The following CNTN4 variants were observed in gnomAD, a reference collection of about 807,000 sequenced individuals.
CNTN4 encodes the protein contactin-4.
CNTN4 carries 77 observed loss-of-function variants against 122.5 expected under a neutral mutation model. The observed-to-expected ratio is 0.63, with a 90% CI of 0.52 to 0.76. The LOEUF (loss-of-function observed/expected upper bound fraction) is 0.76. CNTN4 is among the 30% of genes least tolerant of loss of function. The probability of loss-of-function intolerance (pLI) is 0.00; values close to 1 mark genes in which losing one functional copy is unlikely to be tolerated. For synonymous variants in CNTN4, 512 were observed against 447.0 expected (o/e 1.15, Z -1.83); for missense variants, 1,256 against 1,259.1 (o/e 1.00, Z 0.04).
At chr3:2,984,272 G>A (rs1694343407) in intron 13 of CNTN4, among the ~76,000 whole-genome samples, 1 of 152,164 alleles carries the variant, frequency 6.6e-6, no homozygotes, top group Non-Finnish European at 1.5e-5. Flanking sequence ...AGCACTTTAA[G>A]TTAACGAAAT....
At chr3:2,798,362 C>T (rs201567339) in intron 6 of CNTN4, among the ~76,000 whole-genome samples, 1 of 5,190 alleles carries the variant, frequency 1.9e-4, no homozygotes, top group Admixed American at 3.5e-3. Context: ...TCTATACACA[C>T]ATAAATCTAT....
chr3:2,759,482 G>T (rs1196817673), intron 6 of CNTN4, among the ~76,000 whole-genome samples: 1 of 152,138 alleles, frequency 6.6e-6, no homozygotes, highest in African/African-American at 2.4e-5. Context: ...AGAATATGCA[G>T]TTATATGGAT....
chr3:2,527,185 C>G (rs1268688380), intron 3 of CNTN4, among the ~76,000 whole-genome samples: 1 of 152,166 alleles, frequency 6.6e-6, no homozygotes, highest in Admixed American at 6.5e-5. Flanking sequence ...GGTGTGAACT[C>G]TGGATTCCTT....
At chr3:2,423,910 A>G (rs2047708229) in intron 3 of CNTN4, among the ~76,000 whole-genome samples, 1 of 99,086 alleles carries the variant, frequency 1.0e-5, no homozygotes. Flanking sequence ...AGGAAAAGGA[A>G]TATCACACAC....
intron 23 of CNTN4, among the ~76,000 whole-genome samples, chr3:3,046,882 T>C (rs1460686753): frequency 2.2e-5 from 3 of 138,260 alleles, no homozygotes; most frequent in East Asian, 4.0e-4. Context: ...AGGAAACCTG[T>C]CTCACGTGCA....
intron 2 of CNTN4, among the ~76,000 whole-genome samples, chr3:2,142,366 TC>T (rs1211196550): frequency 2.6e-5 from 4 of 152,076 alleles, no homozygotes; most frequent in South Asian, 2.1e-4. Flanking sequence ...CCTTTTTTTT[TC>T]TTTCTTTTTT....
At chr3:2,966,902 G>A (rs1419386987) in intron 13 of CNTN4, among the ~76,000 whole-genome samples, 2 of 152,082 alleles carry the variant, frequency 1.3e-5, no homozygotes, top group Non-Finnish European at 2.9e-5. Flanking sequence ...ATATTGACTG[G>A]TGGACTTTTA....
intron 2 of CNTN4, among the ~76,000 whole-genome samples, chr3:2,313,000 G>A (rs1436747123): frequency 6.6e-6 from 1 of 151,870 alleles, no homozygotes; most frequent in African/African-American, 2.4e-5. Context: ...AATATATATA[G>A]CCTTAAAAAA....
chr3:2,429,968 A>T (rs748599986), intron 3 of CNTN4, among the ~76,000 whole-genome samples: 3 of 152,166 alleles, frequency 2.0e-5, no homozygotes, highest in Non-Finnish European at 4.4e-5. Context: ...GCCATCTGTC[A>T]CGGCTTCCCT....
intron 3 of CNTN4, among the ~76,000 whole-genome samples, chr3:2,384,118 A>G (rs548824941): frequency 6.6e-6 from 1 of 152,312 alleles, no homozygotes; most frequent in African/African-American, 2.4e-5. Context: ...GGTGAATCAA[A>G]TAAGCTAATG....
rs546558744 is a variant in CNTN4, at chr3:2,959,328, C to T, written c.1359-29017C>T. On this transcript the variant is annotated intron_variant, in intron 13 of 24. Coordinates refer to ENST00000418658, the MANE Select transcript of CNTN4 (RefSeq NM_175607.3). The stretch of plus-strand genomic sequence containing the variant: ...CAAGTTTTCAGAAGGCAGTCTATTT[C>T]CAGTTTATGCTATCTATAGAGCGTC... Among the ~76,000 whole-genome samples, 3 of 152,224 alleles carry T rather than the reference C, an allele frequency of 2.0e-5. No homozygotes were observed. In the South Asian group the frequency reaches 6.2e-4, roughly 32 times the overall value.
At chr3:2,122,023 G>GA (rs199942777) in intron 2 of CNTN4, among the ~76,000 whole-genome samples, 1 of 147,802 alleles carries the variant, frequency 6.8e-6, no homozygotes, top group Non-Finnish European at 1.5e-5. Context: ...GGGCGTGGTG[G>GA]CGGCGCCTGT....
At chr3:2,289,533 G>T (rs571774410) in intron 2 of CNTN4, among the ~76,000 whole-genome samples, 2 of 152,254 alleles carry the variant, frequency 1.3e-5, no homozygotes, top group East Asian at 3.9e-4. Flanking sequence ...TATGAGAAGG[G>T]CTGAAGACAT....
intron 2 of CNTN4, among the ~76,000 whole-genome samples, chr3:2,283,054 T>G (rs911742599): frequency 2.6e-5 from 4 of 152,112 alleles, no homozygotes; most frequent in African/African-American, 9.6e-5. Flanking sequence ...GAAAAAATTC[T>G]GGAGTGGTGG....
At chr3:2,346,240 C>T (rs2150400479) in intron 3 of CNTN4, among the ~76,000 whole-genome samples, 1 of 152,138 alleles carries the variant, frequency 6.6e-6, no homozygotes, top group African/African-American at 2.4e-5. Flanking sequence ...TTAGTGTGCT[C>T]TGCCAAATTT....
chr3:2,991,603 G>T (rs192821157), intron 14 of CNTN4, among the ~76,000 whole-genome samples: 1 of 152,266 alleles, frequency 6.6e-6, no homozygotes. Flanking sequence ...GGAAGTACGT[G>T]TGTCTGCAGA....
intron 2 of CNTN4, among the ~76,000 whole-genome samples, chr3:2,157,386 G>A (rs1042341499): frequency 1.3e-5 from 2 of 152,176 alleles, no homozygotes; most frequent in Non-Finnish European, 1.5e-5. Context: ...TACGGGGTTA[G>A]TGAGAAGAGA....
intron 3 of CNTN4, among the ~76,000 whole-genome samples, chr3:2,361,873 T>C (rs1350146971): frequency 6.6e-6 from 1 of 152,150 alleles, no homozygotes; most frequent in Non-Finnish European, 1.5e-5. Flanking sequence ...TTCCACAGGA[T>C]CTGAGACAGA....
intron 14 of CNTN4, among the ~76,000 whole-genome samples, chr3:3,013,624 C>A (rs946827332): frequency 6.6e-6 from 1 of 152,026 alleles, no homozygotes; most frequent in Admixed American, 6.5e-5. Context: ...AGTGTCAGGT[C>A]CTGTTATGGT....
Sources: gnomAD v4.1 joint callset for allele counts (sites outside exome capture counted in the v4.1 genomes callset) on GRCh38, gnomAD v4.1.1 for gene constraint, MANE v1.5 for transcripts, NCBI Gene and HGNC (gene_info 2026-07-23, HGNC 2026-07-21) for gene names.